PPP2R5C: variants seen among roughly 807,000 people sequenced by gnomAD.
PPP2R5C encodes the protein protein phosphatase 2 regulatory subunit B'gamma.
In PPP2R5C, 7 loss-of-function variants were observed where a neutral mutation model predicts 68.9. The observed-to-expected ratio is 0.10, with a 90% CI of 0.06 to 0.19. The LOEUF (loss-of-function observed/expected upper bound fraction) is 0.19, where lower values mean the gene tolerates loss of function less well. Ranked by LOEUF, PPP2R5C falls within the 10% of genes least tolerant of loss-of-function variation. PPP2R5C has a pLI of 1.00. For missense variants in PPP2R5C, 348 were observed against 641.3 expected (o/e 0.54, Z 4.94); for synonymous variants, 210 against 222.2 (o/e 0.95, Z 0.49).
At chr14:101,787,134 C>T (rs559066731) in intron 3 of PPP2R5C, among the ~76,000 whole-genome samples, 2 of 152,258 alleles carry the variant, frequency 1.3e-5, no homozygotes, top group South Asian at 2.1e-4. Context: ...CCTGTGGTCC[C>T]GGCTACTCAG....
chr14:101,830,491 G>A (rs1172146539), intron 1 of PPP2R5C, among the ~76,000 whole-genome samples: 2 of 152,214 alleles, frequency 1.3e-5, no homozygotes. Context: ...CAGAGCAACA[G>A]AAAATCCACC....
rs183144332 is a variant in PPP2R5C, at chr14:101,823,332, C to T, written c.94+13296C>T. ...AGAGCAGTGAAATTAAAGCATCAGC[C>T]GCCAATGTTTGATTTATTTTGTATT... On this transcript the variant is annotated intron_variant, in intron 1 of 13. Transcript: ENST00000334743. Among the ~76,000 whole-genome samples the T allele has an allele frequency of 2.2e-4, 34 of 152,224 alleles. No homozygotes were observed. The East Asian group carries it at 4.0e-3, about 18-fold the overall frequency.
intron 1 of PPP2R5C, among the ~76,000 whole-genome samples, chr14:101,821,444 G>GGGGTGTGT (rs1426759384): frequency 7.7e-6 from 1 of 130,060 alleles, no homozygotes; most frequent in African/African-American, 2.8e-5. Flanking sequence ...GTGGGGGGTG[G>GGGGTGTGT]GTGGGTGGGT....
intron 2 of PPP2R5C, among the ~76,000 whole-genome samples, chr14:101,782,102 TC>T (rs1432015845): frequency 8.4e-4 from 30 of 35,818 alleles, no homozygotes; most frequent in South Asian, 3.4e-3. Context: ...TTTCTTCCCC[TC>T]CCCCCTCCCC....
At position 101,891,156 on chromosome 14, in the gene PPP2R5C, A is replaced by G. The variant is rs562944643; in HGVS notation, c.689+860A>G. On this transcript the variant is annotated intron_variant, in intron 6 of 13. Transcript: ENST00000334743. This position sits in a 1 kb window ranked among gnomAD's most constrained non-coding sequence, Gnocchi z 4.9. Reference sequence around the variant, plus strand: ...CAGAGTTCCTCAGGGTCCCATGGTTAGTAAGTGTGGAAGTGCTTTTTCCTG... The same window carrying G: ...CAGAGTTCCTCAGGGTCCCATGGTTGGTAAGTGTGGAAGTGCTTTTTCCTG... Among the ~76,000 whole-genome samples, 1 of 152,258 alleles carries G rather than the reference A, an allele frequency of 6.6e-6. No individual in the cohort carries two copies. The highest frequency in any genetic ancestry group is 2.4e-5 in the African/African-American group (1 of 41,544).
intron 3 of PPP2R5C, among the ~76,000 whole-genome samples, chr14:101,804,633 A>G (rs934290761): frequency 6.6e-6 from 1 of 152,186 alleles, no homozygotes; most frequent in Non-Finnish European, 1.5e-5. Flanking sequence ...CAAACATCAC[A>G]TGTTCTCACA....
intron 3 of PPP2R5C, among the ~76,000 whole-genome samples, chr14:101,787,179 G>A (rs1472620958): frequency 6.6e-6 from 1 of 152,232 alleles, no homozygotes; most frequent in African/African-American, 2.4e-5. Context: ...GAGCCTGGGA[G>A]GCCAAGGCTA....
intron 1 of PPP2R5C, among the ~76,000 whole-genome samples, chr14:101,855,029 G>A (rs989220754): frequency 1.3e-5 from 2 of 152,052 alleles, no homozygotes; most frequent in Non-Finnish European, 2.9e-5. Flanking sequence ...AATTAGCTGG[G>A]TGTGGTGGCG....
chr14:101,884,737 C>T (rs890943186), intron 5 of PPP2R5C, among the ~76,000 whole-genome samples: 2 of 152,236 alleles, frequency 1.3e-5, no homozygotes, highest in African/African-American at 4.8e-5. Flanking sequence ...CTTTTTTACA[C>T]CAGCCCTTCC....
intron 8 of PPP2R5C, among the ~76,000 whole-genome samples, chr14:101,897,056 T>C (rs773369327): frequency 1.1e-4 from 16 of 152,174 alleles, no homozygotes; most frequent in Non-Finnish European, 2.2e-4. Flanking sequence ...AGCCACGAGC[T>C]GGGCCCGCCC....
chr14:101,793,840 A>G, intron 3 of PPP2R5C, among the ~76,000 whole-genome samples: 1 of 152,178 alleles, frequency 6.6e-6, no homozygotes, highest in East Asian at 1.9e-4. Context: ...AGGGAAGCTA[A>G]AAAGGAGACA....
rs549143906 is a variant in PPP2R5C, at chr14:101,779,517, AG to A, written c.94-6500del. Among the ~76,000 whole-genome samples, 44 of 152,314 alleles carry A rather than the reference AG, an allele frequency of 2.9e-4. No homozygotes were observed. The South Asian group carries it at 8.5e-3, about 29-fold the overall frequency. ...ACGGGAAGAGGGCATTTCATGCTGA[AG>A]AAACAGGCATTGAAACAGGGCAGGG... On this transcript the variant is annotated intron_variant, in intron 2 of 14. Transcript: ENST00000328724.
At chr14:101,883,262 T>G in exon 4 of PPP2R5C, 1 of 1,546,392 alleles carries the variant, frequency 6.5e-7, no homozygotes, top group Non-Finnish European at 8.8e-7. Flanking sequence ...CCTAGCTTGT[T>G]TATGAATTTT....
chr14:101,918,069 T>C, intron 13 of PPP2R5C, 122 bp downstream of exon 15: 1 of 1,372,308 alleles, frequency 7.3e-7, no homozygotes. Flanking sequence ...AACTTAAATT[T>C]TGCTAGTCTT....
intron 2 of PPP2R5C, among the ~76,000 whole-genome samples, chr14:101,880,865 G>A (rs933358577): frequency 6.6e-6 from 1 of 152,142 alleles, no homozygotes; most frequent in Admixed American, 6.5e-5. Flanking sequence ...TTACAAGACT[G>A]GGTATCTAAA....
exon 14 of PPP2R5C, chr14:101,925,238 G>A: frequency 6.2e-7 from 1 of 1,613,702 alleles, no homozygotes; most frequent in Non-Finnish European, 8.5e-7. Context: ...GCTCACTGCA[G>A]GGCCGATGAG....
Position 101,915,225 on chromosome 14 carries a change from G to C in PPP2R5C, c.1327-2606G>C, listed in dbSNP as rs949041206. On this transcript the variant is annotated intron_variant, in intron 12 of 13. Transcript: ENST00000334743. The surrounding 1 kb of genome is among the most constrained non-coding windows in gnomAD (Gnocchi z 4.2). ...CCTCCCAAGTATGCTGGGACTACAGGTGCACGCCACCATGCCTGGCTAATT... is the reference window on the plus strand; with the variant it reads ...CCTCCCAAGTATGCTGGGACTACAGCTGCACGCCACCATGCCTGGCTAATT... Among the ~76,000 whole-genome samples, 1 of 152,108 alleles carries C rather than the reference G, an allele frequency of 6.6e-6. No homozygotes were observed. The highest frequency in any genetic ancestry group is 1.5e-5 in the Non-Finnish European group (1 of 68,018).
chr14:101,848,494 C>T (rs1034079212), intron 1 of PPP2R5C, among the ~76,000 whole-genome samples: 2 of 151,748 alleles, frequency 1.3e-5, no homozygotes, highest in East Asian at 1.9e-4. Flanking sequence ...GCCAAGATCA[C>T]GCCACTGCAC....
At chr14:101,784,238 G>A (rs1219247545) in intron 2 of PPP2R5C, among the ~76,000 whole-genome samples, 1 of 152,186 alleles carries the variant, frequency 6.6e-6, no homozygotes, top group African/African-American at 2.4e-5. Context: ...ATTCAAGGAT[G>A]AGAACAAATT....
Sources: gnomAD v4.1 joint callset for allele counts (sites outside exome capture counted in the v4.1 genomes callset) on GRCh38, gnomAD v4.1.1 for gene constraint, Gnocchi (gnomAD v3.1) non-coding constraint, MANE v1.5 for transcripts, NCBI Gene and HGNC (gene_info 2026-07-23, HGNC 2026-07-21) for gene names.